Variants in SEPTIN12 observed in about 807,000 individuals in gnomAD.
SEPTIN12 encodes the protein septin 12, also known as septin-12.
In SEPTIN12, 42 loss-of-function variants were observed where a neutral mutation model predicts 37.7. The ratio of observed to expected loss-of-function variants is 1.11; its 90% confidence interval spans 0.87 to 1.44. SEPTIN12 has a LOEUF of 1.44. Among genes scored for constraint, SEPTIN12 ranks in the 40% most tolerant of loss-of-function variants. SEPTIN12 has a pLI of 0.00. For synonymous variants in SEPTIN12, 254 were observed against 196.7 expected, an observed-to-expected ratio of 1.29 and a Z score of -2.44; for missense variants, 613 against 479.2, an observed-to-expected ratio of 1.28 and a Z score of -2.61.
chr16:4,783,453 G>T lies in SEPTIN12; in HGVS notation c.726+9C>A. Reference sequence around the variant, plus strand: ...CACCTCGCCCGCCTCCCGCCCCACAGCCTCTCACCCGTAACTTGCTGTTGA... The same window carrying T: ...CACCTCGCCCGCCTCCCGCCCCACATCCTCTCACCCGTAACTTGCTGTTGA... On this transcript the variant is annotated intron_variant, in intron 7 of 9. Transcript: ENST00000268231. 6.2e-7 allele frequency: 1 copy of T among 1,610,328 alleles called. No individual in the cohort carries two copies. Among genetic ancestry groups the T allele is most frequent in the Non-Finnish European group, 8.5e-7 (1 of 1,176,852 alleles).
intron 5 of SEPTIN12, 60 bp from the exon 6 acceptor site, chr16:4,783,826 G>A: frequency 6.3e-7 from 1 of 1,599,396 alleles, no homozygotes; most frequent in African/African-American, 1.3e-5. Context: ...AACGACAGCA[G>A]CAGGGCACGG....
chr16:4,784,838 G>C (rs1003628470), intron 4 of SEPTIN12, among the ~76,000 whole-genome samples: 1 of 152,000 alleles, frequency 6.6e-6, no homozygotes, highest in Non-Finnish European at 1.5e-5. Flanking sequence ...GGCCAGGTGC[G>C]GTGGCTTATG....
At chr16:4,783,411 A>G in intron 7 of SEPTIN12, 51 bp downstream of exon 7, 3 of 1,280,366 alleles carry the variant, frequency 2.3e-6, no homozygotes, top group Non-Finnish European at 3.4e-6. Context: ...GATGGAAAGG[A>G]TGTGTGGGAA....
chr16:4,785,819 T>A lies in SEPTIN12; in HGVS notation c.362A>T (p.Asn121Ile). The change falls in exon 4 of 10, where the codon AAC (asparagine) becomes ATC (isoleucine). Residue 121 changes from asparagine (N) to isoleucine (I), a missense_variant. Transcript: ENST00000268231. The stretch of plus-strand genomic sequence containing the variant: ...AGAGAGAACCTACCAGTTGTCATTG[T>A]TGATCTGGTCCCCGAAGCCGGGCGT... ...TDTPGFGDQI[N>I]NDNCWDPILG... 1 of 1,610,252 alleles carries A rather than the reference T, an allele frequency of 6.2e-7. No individual in the cohort carries two copies. The highest frequency in any genetic ancestry group is 8.5e-7 in the Non-Finnish European group (1 of 1,178,024).
In SEPTIN12 at chr16:4,779,672, C is replaced by T. The variant is rs773348600; in HGVS notation, c.823+18G>A. On this transcript the variant is annotated intron_variant, in intron 8 of 9. Transcript: ENST00000268231. The stretch of plus-strand genomic sequence containing the variant: ...AAACTGACCCCACCTGCATCCTACC[C>T]AGGGGCCCCGCACTGACCTTCAATG... 6.5e-7 allele frequency: 1 copy of T among 1,548,444 alleles called. No individual in the cohort carries two copies. The highest frequency in any genetic ancestry group is 8.9e-7 in the Non-Finnish European group (1 of 1,120,384).
intron 1 of SEPTIN12, chr16:4,787,948 T>G: frequency 6.5e-6 from 2 of 309,730 alleles, no homozygotes; most frequent in African/African-American, 2.1e-5. Context: ...CTCAGGTCGC[T>G]TCCCCCAGCA....
At chr16:4,786,878 C>A (rs553445375) in intron 2 of SEPTIN12, among the ~76,000 whole-genome samples, 1 of 151,658 alleles carries the variant, frequency 6.6e-6, no homozygotes, top group African/African-American at 2.4e-5. Flanking sequence ...GAACTCCTGG[C>A]CTCCAGGGAT....
upstream of SEPTIN12, chr16:4,790,060 A>G (rs1212967492): frequency 6.6e-6 from 1 of 151,812 alleles, no homozygotes; most frequent in Non-Finnish European, 1.5e-5. Context: ...GACTTCAGGT[A>G]CGTAGACCAT....
upstream of SEPTIN12, chr16:4,790,012 T>C (rs1398897672): frequency 6.6e-6 from 1 of 151,940 alleles, no homozygotes; most frequent in Admixed American, 6.6e-5. Context: ...CTTCCTGGGT[T>C]CAAGTGATCC....
chr16:4,786,112 G>C lies in SEPTIN12; in HGVS notation c.167-7C>G. On this transcript the variant is annotated splice_region_variant and splice_polypyrimidine_tract_variant and intron_variant, in intron 2 of 9. Coordinates refer to ENST00000268231, the MANE Select transcript of SEPTIN12 (RefSeq NM_144605.5). ...TTGCCCAGCCCGCTTTGCCCTGGGA[G>C]TGGCAACCGGATGACAGCAGTTAGG... The C allele has an allele frequency of 6.3e-7, 1 of 1,596,056 alleles. No individual in the cohort carries two copies. Among genetic ancestry groups the C allele is most frequent in the Non-Finnish European group, 8.6e-7 (1 of 1,169,058 alleles).
chr16:4,783,821 C>T, intron 5 of SEPTIN12, 55 bp from the exon 6 acceptor site: 3 of 1,601,778 alleles, frequency 1.9e-6, no homozygotes, highest in African/African-American at 1.3e-5. Context: ...GTATAAACGA[C>T]AGCAGCAGGG....
chr16:4,786,459 A>G (rs1039596295), intron 2 of SEPTIN12, among the ~76,000 whole-genome samples: 8 of 148,478 alleles, frequency 5.4e-5, no homozygotes, highest in Non-Finnish European at 1.0e-4. Flanking sequence ...GATTCACGCC[A>G]TTCCCCTGTC....
rs150226698 is a variant in SEPTIN12 at position 4,788,315 on chromosome 16, C to G, written c.-58G>C. On this transcript the variant is annotated 5_prime_UTR_variant, in exon 1 of 10. Coordinates refer to ENST00000268231, the MANE Select transcript of SEPTIN12 (RefSeq NM_144605.5). ...TGGGTCCTGGTGGAGCTTCCAGGAG[C>G]TGCCTTGTCCTGGCAGGGCCTGGTG... The G allele has an allele frequency of 2.1e-3, 317 of 153,524 alleles. 1 individual carries two copies. Among genetic ancestry groups the G allele is most frequent in the Non-Finnish European group, 2.2e-3 (151 of 68,690 alleles). 9.5% of individuals were successfully genotyped at this position (153,524 alleles called of 1,614,324 possible). A position where few individuals can be genotyped will look rare whatever the true frequency, so the allele number is the denominator to read the frequency against.
At chr16:4,787,804 G>C (rs1567575260) in intron 1 of SEPTIN12, 137 bp from the exon 2 acceptor site, 2 of 597,584 alleles carry the variant, frequency 3.3e-6, no homozygotes, top group Admixed American at 5.9e-5. Context: ...TGTACCCTAA[G>C]TGCCTGTAGT....
rs767904553 is a variant in SEPTIN12, at chr16:4,783,901, G to A, written c.512+30C>T. The A allele has an allele frequency of 8.1e-6, 13 of 1,613,662 alleles. No homozygotes were observed. The East Asian group carries it at 1.3e-4, about 17-fold the overall frequency. ...TCCTCCTCCCTGCCCCGTGCAGGTG[G>A]TCCTCGCCTTGCAGGTGCAGCCCCC... On this transcript the variant is annotated intron_variant, in intron 5 of 9. Transcript: ENST00000268231.
chr16:4,783,900 G>A lies in SEPTIN12; in HGVS notation c.512+31C>T, dbSNP rs374872985. On this transcript the variant is annotated intron_variant, in intron 5 of 9. Transcript: ENST00000268231. ...CTCCTCCTCCCTGCCCCGTGCAGGT[G>A]GTCCTCGCCTTGCAGGTGCAGCCCC... The A allele has an allele frequency of 5.0e-6, 8 of 1,613,418 alleles. No homozygotes were observed. In the African/African-American group the frequency reaches 1.1e-4, roughly 22 times the overall value.
intron 8 of SEPTIN12, among the ~76,000 whole-genome samples, chr16:4,778,660 G>A (rs2082339661): frequency 6.6e-6 from 1 of 151,918 alleles, no homozygotes; most frequent in South Asian, 2.1e-4. Flanking sequence ...AATTAGCCGG[G>A]TGTGGTGGTA....
intron 8 of SEPTIN12, among the ~76,000 whole-genome samples, chr16:4,778,979 A>T (rs1482307333): frequency 2.0e-5 from 3 of 151,536 alleles, no homozygotes; most frequent in South Asian, 2.1e-4. Flanking sequence ...TCTCATAAAC[A>T]TACAAAAAAT....
chr16:4,781,942 C>CCTTT (rs2082376288), intron 7 of SEPTIN12, among the ~76,000 whole-genome samples: 1 of 74,754 alleles, frequency 1.3e-5, no homozygotes, highest in African/African-American at 6.4e-5. Flanking sequence ...CCGTGCCCGG[C>CCTTT]CTTTTTTTTT....
Sources: gnomAD v4.1 joint callset for allele counts (sites outside exome capture counted in the v4.1 genomes callset) on GRCh38, gnomAD v4.1.1 for gene constraint, MANE v1.5 for transcripts, NCBI Gene and HGNC (gene_info 2026-07-23, HGNC 2026-07-21) for gene names.